The following AGBL4 variants were observed in gnomAD, a reference collection of about 807,000 sequenced individuals.
AGBL4 encodes the protein cytosolic carboxypeptidase 6.
In AGBL4, 58 loss-of-function variants were observed where a neutral mutation model predicts 66.4. That is an observed-to-expected ratio of 0.87 (90% CI 0.71 to 1.09). The LOEUF (loss-of-function observed/expected upper bound fraction) is 1.09, where lower values mean the gene tolerates loss of function less well. AGBL4 is among the 50% of genes least tolerant of loss of function. AGBL4 has a pLI of 0.00. For synonymous variants in AGBL4, 234 were observed against 222.9 expected, an observed-to-expected ratio of 1.05 and a Z score of -0.44; for missense variants, 579 against 631.0, an observed-to-expected ratio of 0.92 and a Z score of 0.88.
At chr1:49,898,901 G>A (rs989548245) in intron 1 of AGBL4, among the ~76,000 whole-genome samples, 1 of 152,080 alleles carries the variant, frequency 6.6e-6, no homozygotes, top group Non-Finnish European at 1.5e-5. Context: ...CATTTTTTGT[G>A]TGTGGGAGCT....
At chr1:49,195,448 C>T (rs140228548) in intron 4 of AGBL4, among the ~76,000 whole-genome samples, 153 of 152,218 alleles carry the variant, frequency 1.0e-3, no homozygotes, top group African/African-American at 3.6e-3. Context: ...ATGACTAACA[C>T]TCTTTTTCTT....
chr1:49,372,584 T>C (rs1024743865), intron 3 of AGBL4, among the ~76,000 whole-genome samples: 1 of 151,750 alleles, frequency 6.6e-6, no homozygotes, highest in Non-Finnish European at 1.5e-5. Flanking sequence ...AGTTCAATCT[T>C]TCTTTCTTTC....
intron 6 of AGBL4, among the ~76,000 whole-genome samples, chr1:48,734,497 C>T (rs761388001): frequency 1.1e-4 from 16 of 152,306 alleles, no homozygotes; most frequent in Non-Finnish European, 1.0e-4. Context: ...TGCCCTTTGA[C>T]TCCAGCAAAT....
chr1:49,304,359 C>A (rs906641739), intron 3 of AGBL4, among the ~76,000 whole-genome samples: 4 of 152,164 alleles, frequency 2.6e-5, no homozygotes, highest in African/African-American at 9.7e-5. Context: ...TTAAAAATAT[C>A]ACTTTTAACA....
At chr1:48,967,362 C>T (rs1658532383) in intron 5 of AGBL4, among the ~76,000 whole-genome samples, 1 of 152,132 alleles carries the variant, frequency 6.6e-6, no homozygotes, top group South Asian at 2.1e-4. Flanking sequence ...ATTCATTCTA[C>T]ACTTAACTCA....
chr1:49,061,068 C>T (rs1383634020), intron 4 of AGBL4, among the ~76,000 whole-genome samples: 1 of 152,114 alleles, frequency 6.6e-6, no homozygotes, highest in Non-Finnish European at 1.5e-5. Context: ...AGGAAGTAGA[C>T]TGCAAAGGAG....
intron 1 of AGBL4, among the ~76,000 whole-genome samples, chr1:49,965,041 G>A (rs746018250): frequency 1.3e-5 from 2 of 152,112 alleles, no homozygotes; most frequent in Admixed American, 6.5e-5. Flanking sequence ...CAAAACCCAC[G>A]TGAGTACATA....
At chr1:49,092,178 A>T (rs1018183475) in intron 4 of AGBL4, among the ~76,000 whole-genome samples, 8 of 152,164 alleles carry the variant, frequency 5.3e-5, no homozygotes, top group African/African-American at 1.2e-4. Context: ...CAACTATAAT[A>T]AAAGTTAAAA....
At chr1:48,580,109 T>C (rs1008832206) in intron 11 of AGBL4, among the ~76,000 whole-genome samples, 1 of 152,078 alleles carries the variant, frequency 6.6e-6, no homozygotes, top group African/African-American at 2.4e-5. Context: ...CATCTTTAGC[T>C]CACCTTCAGA....
chr1:49,201,975 A>G (rs1211007339), intron 4 of AGBL4, among the ~76,000 whole-genome samples: 2 of 152,126 alleles, frequency 1.3e-5, no homozygotes, highest in Non-Finnish European at 2.9e-5. Flanking sequence ...AAAAAAAAGT[A>G]CAATGAATGA....
chr1:49,808,473 G>T (rs1274625805), intron 2 of AGBL4, among the ~76,000 whole-genome samples: 1 of 152,042 alleles, frequency 6.6e-6, no homozygotes, highest in Non-Finnish European at 1.5e-5. Flanking sequence ...ACAATTACAT[G>T]AAGTCAGTTA....
chr1:48,790,236 C>T (rs1645515095), intron 6 of AGBL4, among the ~76,000 whole-genome samples: 2 of 152,100 alleles, frequency 1.3e-5, no homozygotes, highest in Non-Finnish European at 2.9e-5. Flanking sequence ...ACGAGCAAAG[C>T]CTTCTCTTTG....
intron 3 of AGBL4, among the ~76,000 whole-genome samples, chr1:49,301,243 C>T (rs889120002): frequency 6.6e-6 from 1 of 152,102 alleles, no homozygotes; most frequent in African/African-American, 2.4e-5. Flanking sequence ...GATTCCTCTC[C>T]AGAGGAAAAA....
At chr1:49,846,377 C>T in intron 2 of AGBL4, 2 of 1,542,396 alleles carry the variant, frequency 1.3e-6, no homozygotes, top group South Asian at 1.1e-5. Flanking sequence ...CCTTACCAAG[C>T]ACCAGAGAAC....
chr1:49,700,298 A>AATAGATAGATAG (rs59788309), intron 2 of AGBL4, among the ~76,000 whole-genome samples: 27 of 146,490 alleles, frequency 1.8e-4, no homozygotes, highest in East Asian at 8.1e-4. Context: ...AAAAACATTA[A>AATAGATAGATAG]ATAGATAGAT....
In AGBL4 at chr1:49,260,053, G is replaced by A. The variant is rs1318131335; in HGVS notation, c.283-14189C>T. On this transcript the variant is annotated intron_variant, in intron 3 of 13. Transcript: ENST00000371839. The stretch of plus-strand genomic sequence containing the variant: ...GAAACTGAACAACCTGCTCCTGAAT[G>A]ACTACTGGGTACATAACAAAATGAA... Among the ~76,000 whole-genome samples, 37 of 150,814 alleles carry A rather than the reference G, an allele frequency of 2.5e-4. No homozygotes were observed. In the South Asian group the frequency reaches 7.7e-3, roughly 31 times the overall value.
chr1:49,143,707 C>A (rs757942925), intron 4 of AGBL4, among the ~76,000 whole-genome samples: 4 of 152,026 alleles, frequency 2.6e-5, no homozygotes, highest in Non-Finnish European at 4.4e-5. Flanking sequence ...TCACAGATCT[C>A]CTCAGGAAGG....
chr1:48,794,824 T>A (rs1000453451), intron 6 of AGBL4, among the ~76,000 whole-genome samples: 1 of 152,216 alleles, frequency 6.6e-6, no homozygotes, highest in Non-Finnish European at 1.5e-5. Context: ...AGACTTCTAT[T>A]CTGAACTCCA....
chr1:48,853,448 C>T lies in AGBL4; in HGVS notation c.634+13743G>A, dbSNP rs866243759. Among the ~76,000 whole-genome samples the T allele has an allele frequency of 3.9e-5, 6 of 152,188 alleles. No individual in the cohort carries two copies. In the South Asian group the frequency reaches 6.2e-4, roughly 16 times the overall value. On this transcript the variant is annotated intron_variant, in intron 6 of 13. Coordinates refer to ENST00000371839, the MANE Select transcript of AGBL4 (RefSeq NM_032785.4). The stretch of plus-strand genomic sequence containing the variant: ...AATTTGTGATGCAGCAATGTAATCA[C>T]AGTAATAACTGTTTATTTAAAATCT...
Sources: gnomAD v4.1 joint callset for allele counts (sites outside exome capture counted in the v4.1 genomes callset) on GRCh38, gnomAD v4.1.1 for gene constraint, MANE v1.5 for transcripts, NCBI Gene and HGNC (gene_info 2026-07-23, HGNC 2026-07-21) for gene names.